BAZ1B: variants seen among roughly 807,000 people sequenced by gnomAD.
The protein encoded by BAZ1B is bromodomain adjacent to zinc finger domain 1B.
Under a neutral mutation model 153.8 loss-of-function variants are expected in BAZ1B, and 22 were observed. The ratio of observed to expected loss-of-function variants is 0.14; its 90% CI spans 0.10 to 0.20. The LOEUF is 0.20. BAZ1B is among the 10% of genes least tolerant of loss of function. BAZ1B has a pLI of 1.00. For synonymous variants in BAZ1B, 676 were observed against 633.4 expected (o/e 1.07, Z -1.01); for missense variants, 1,325 against 1,799.3 (o/e 0.74, Z 4.77).
chr7:73,510,168 G>A (rs556143217), intron 2 of BAZ1B, among the ~76,000 whole-genome samples: 3 of 151,504 alleles, frequency 2.0e-5, no homozygotes, highest in Non-Finnish European at 2.9e-5. Context: ...GGTAGCTCAC[G>A]CCTGTAATCC....
chr7:73,446,546 C>CAAAAAAA (rs1175189600), intron 16 of BAZ1B, among the ~76,000 whole-genome samples: 2 of 41,526 alleles, frequency 4.8e-5, no homozygotes, highest in African/African-American at 8.2e-5. Context: ...GAGACCATCT[C>CAAAAAAA]AAAAAAAAAA....
At chr7:73,465,299 G>A (rs1488843737) in intron 11 of BAZ1B, 140 bp downstream of exon 11, 3 of 527,192 alleles carry the variant, frequency 5.7e-6, no homozygotes, top group Non-Finnish European at 9.7e-6. Context: ...GAAAATACCA[G>A]GCAATATGAA....
intron 11 of BAZ1B, among the ~76,000 whole-genome samples, chr7:73,464,557 TA>T (rs201864822): frequency 0.013 from 1,911 of 152,330 alleles, 42 homozygotes; most frequent in African/African-American, 0.044. Flanking sequence ...TTGCCTATTC[TA>T]AGATGTTTCA....
In BAZ1B at chr7:73,478,127, T is replaced by C. The variant is rs1310703663; in HGVS notation, c.1334A>G (p.Lys445Arg). The C allele has an allele frequency of 1.2e-5, 20 of 1,614,120 alleles. No individual in the cohort carries two copies. Among genetic ancestry groups the C allele is most frequent in the Non-Finnish European group, 1.7e-5 (20 of 1,180,054 alleles). Residue 445 changes from lysine to arginine, a missense_variant, in exon 7 of 20, where the codon AAA becomes AGA. Lys to Arg is a conservative substitution (Grantham distance 26). This residue lies in a region of BAZ1B where 219 missense variants were observed against 248.2 expected (regional missense o/e 0.88). Coordinates refer to ENST00000339594, the MANE Select transcript of BAZ1B (RefSeq NM_032408.4). ...GGCTCGTGTCATCTTCTGCGTGCCTTTGGCCATATCCAACAAAGTCATCTG... is the reference window on the plus strand; with the variant it reads ...GGCTCGTGTCATCTTCTGCGTGCCTCTGGCCATATCCAACAAAGTCATCTG... ...MKQMTLLDMA[K>R]GTQKMTRAPR... is the part of the protein sequence containing the mutation.
At chr7:73,503,560 A>C (rs1790220344) in intron 3 of BAZ1B, among the ~76,000 whole-genome samples, 1 of 151,986 alleles carries the variant, frequency 6.6e-6, no homozygotes, top group South Asian at 2.1e-4. Context: ...TTTTTTGTAG[A>C]AACAGGGTCT....
At chr7:73,459,777 TC>T in intron 12 of BAZ1B, 59 bp from the exon 13 acceptor site, 1 of 1,442,842 alleles carries the variant, frequency 6.9e-7, no homozygotes, top group Non-Finnish European at 9.4e-7. Flanking sequence ...ACGAAAGGAA[TC>T]CAACCTCAAA....
chr7:73,486,699 A>T (rs142902393), intron 6 of BAZ1B, among the ~76,000 whole-genome samples: 241 of 152,324 alleles, frequency 1.6e-3, no homozygotes, highest in African/African-American at 5.5e-3. Context: ...TCAGAGCCTG[A>T]CAGAACATTA....
At chr7:73,497,502 A>G (rs1281411408) in intron 4 of BAZ1B, among the ~76,000 whole-genome samples, 2 of 152,200 alleles carry the variant, frequency 1.3e-5, no homozygotes, top group African/African-American at 4.8e-5. Flanking sequence ...ATTTCTGTAT[A>G]TATTTTATGG....
intron 9 of BAZ1B, among the ~76,000 whole-genome samples, chr7:73,466,753 G>A (rs931657492): frequency 1.3e-5 from 2 of 152,274 alleles, no homozygotes; most frequent in Admixed American, 1.3e-4. Flanking sequence ...GTGAAGCAGA[G>A]GTAATGAGAA....
At chr7:73,463,194 C>A in intron 11 of BAZ1B, 95 bp from the exon 12 acceptor site, 11 of 1,102,324 alleles carry the variant, frequency 1.0e-5, no homozygotes, top group Non-Finnish European at 1.2e-5. Flanking sequence ...TTCTAGAAAA[C>A]TTACTTAGAT....
In BAZ1B at chr7:73,477,843, C is replaced by T; in HGVS notation, c.1618G>A (p.Glu540Lys). The change falls in exon 7 of 20, where the codon GAA (glutamate) becomes AAA (lysine). Residue 540 changes from glutamate to lysine, a missense_variant. This residue lies in a region of BAZ1B where 154 missense variants were observed against 266.3 expected (regional missense o/e 0.58). Transcript: ENST00000339594. The surrounding 1 kb of genome is among the most constrained non-coding windows in gnomAD (Gnocchi z 5.6). ...TTCAAATATTCTTTCCGTTGTTCTTCAGACATAGAAGCCCACCTCTTTTTG... is the reference window on the plus strand; with the variant it reads ...TTCAAATATTCTTTCCGTTGTTCTTTAGACATAGAAGCCCACCTCTTTTTG... The part of the protein sequence containing the change: ...EHKKRWASMS[E>K]EQRKEYLKKK... 6.2e-7 allele frequency: 1 copy of T among 1,613,874 alleles called. No individual in the cohort carries two copies. Among genetic ancestry groups the T allele is most frequent in the Non-Finnish European group, 8.5e-7 (1 of 1,179,984 alleles).
chr7:73,473,539 C>T (rs1429181322), intron 7 of BAZ1B, among the ~76,000 whole-genome samples: 7 of 151,898 alleles, frequency 4.6e-5, no homozygotes, highest in East Asian at 1.9e-4. Context: ...AGCGACAGAG[C>T]GACGCTCTGT....
intron 1 of BAZ1B, 126 bp downstream of exon 1, chr7:73,521,701 G>A (rs1791052560): frequency 5.7e-6 from 4 of 707,722 alleles, no homozygotes; most frequent in South Asian, 7.1e-5. Flanking sequence ...CCAGGCCCGC[G>A]AGCGGCCGGG....
At chr7:73,452,943 C>A (rs1171479987) in intron 13 of BAZ1B, among the ~76,000 whole-genome samples, 1 of 152,130 alleles carries the variant, frequency 6.6e-6, no homozygotes, top group East Asian at 1.9e-4. Flanking sequence ...TTTTGCCAAA[C>A]AATATATCAG....
At chr7:73,460,035 A>G (rs1320161638) in intron 12 of BAZ1B, among the ~76,000 whole-genome samples, 2 of 152,010 alleles carry the variant, frequency 1.3e-5, no homozygotes, top group Non-Finnish European at 2.9e-5. Context: ...TCTCTACTAA[A>G]AATACAAAAA....
chr7:73,521,715 C>A (rs1791053498), intron 1 of BAZ1B, 112 bp downstream of exon 1: 7 of 862,120 alleles, frequency 8.1e-6, no homozygotes, highest in Non-Finnish European at 9.4e-6. Flanking sequence ...GGCCGGGGCG[C>A]GCTGACAGCT....
Position 73,477,382 on chromosome 7 carries a change from C to G in BAZ1B, c.2079G>C (p.Arg693=). The G allele has an allele frequency of 6.2e-7, 1 of 1,614,256 alleles. No homozygotes were observed. The highest frequency in any genetic ancestry group is 8.5e-7 in the Non-Finnish European group (1 of 1,180,038). Residue 693 remains arginine (R), a synonymous_variant, in exon 7 of 20, where the codon CGG becomes CGC. Transcript: ENST00000339594. The surrounding 1 kb of genome is among the most constrained non-coding windows in gnomAD (Gnocchi z 5.6). ...GAACATCAGATCTGCGCAAGCAGAG[C>G]CGCACCAGCTCTGAAACAGAATGCA... ...LTLHSVSELV[R]LCLRRSDVQE...
At chr7:73,472,792 C>G (rs782055249) in intron 7 of BAZ1B, among the ~76,000 whole-genome samples, 12 of 151,342 alleles carry the variant, frequency 7.9e-5, no homozygotes, top group Non-Finnish European at 1.5e-4. Flanking sequence ...GAGTCTCGCT[C>G]TATCATCAGG....
At chr7:73,443,876 G>C in intron 17 of BAZ1B, 108 bp downstream of exon 17, 1 of 1,526,672 alleles carries the variant, frequency 6.6e-7, no homozygotes, top group Non-Finnish European at 8.9e-7. Context: ...TGGTAAGAAG[G>C]AGGAGGGGGG....
Sources: gnomAD v4.1 joint callset for allele counts (sites outside exome capture counted in the v4.1 genomes callset) on GRCh38, gnomAD v4.1.1 for gene constraint, gnomAD v4.1.1 regional missense constraint, Gnocchi (gnomAD v3.1) non-coding constraint, MANE v1.5 for transcripts, NCBI Gene and HGNC (gene_info 2026-07-23, HGNC 2026-07-21) for gene names.